SOX5: variants seen among roughly 807,000 people sequenced by gnomAD.
SOX5 encodes the protein transcription factor SOX-5.
Under a neutral mutation model 92.0 loss-of-function variants are expected in SOX5, and 9 were observed. The observed-to-expected ratio is 0.10, with a 90% confidence interval of 0.06 to 0.17. The LOEUF (loss-of-function observed/expected upper bound fraction) is 0.17. Among genes scored for constraint, SOX5 ranks in the 10% least tolerant of loss-of-function variants. The pLI is 1.00. For missense variants in SOX5, 642 were observed against 944.5 expected, an observed-to-expected ratio of 0.68 and a Z score of 4.20; for synonymous variants, 344 against 336.3, an observed-to-expected ratio of 1.02 and a Z score of -0.25.
chr12:23,956,264 T>C (rs12815045), intron 4 of SOX5, among the ~76,000 whole-genome samples: 54,737 of 144,900 alleles, frequency 0.38, 10,568 homozygotes, highest in Non-Finnish European at 0.47. Context: ...GGGAAGAAAT[T>C]ATGGCTAAGC....
intron 4 of SOX5, among the ~76,000 whole-genome samples, chr12:24,080,701 G>C (rs1943222400): frequency 6.6e-6 from 1 of 151,930 alleles, no homozygotes; most frequent in Non-Finnish European, 1.5e-5. Context: ...GCTGCATTCT[G>C]ATTGATCTGT....
chr12:23,622,414 T>C (rs1487340398), intron 8 of SOX5, among the ~76,000 whole-genome samples: 1 of 152,274 alleles, frequency 6.6e-6, no homozygotes, highest in South Asian at 2.1e-4. Context: ...ATATTTCTCT[T>C]TTTTATTTGG....
intron 1 of SOX5, among the ~76,000 whole-genome samples, chr12:24,558,372 G>A (rs1954015259): frequency 6.6e-6 from 1 of 152,064 alleles, no homozygotes; most frequent in Non-Finnish European, 1.5e-5. Flanking sequence ...AACCCCCCGC[G>A]AAATTCCGCT....
chr12:24,155,776 GAGAA>G (rs1407927718), intron 4 of SOX5, among the ~76,000 whole-genome samples: 1 of 152,156 alleles, frequency 6.6e-6, no homozygotes, highest in Non-Finnish European at 1.5e-5. Flanking sequence ...TGGGTATGGA[GAGAA>G]AGTACATGGT....
chr12:23,853,168 T>C (rs747325524), intron 2 of SOX5, among the ~76,000 whole-genome samples: 2 of 150,528 alleles, frequency 1.3e-5, no homozygotes, highest in African/African-American at 2.4e-5. Context: ...AGAATGACTT[T>C]GAATTTTTTA....
rs1321774144 is a variant in SOX5, at chr12:24,543,708, G to A, written c.-251+18621C>T. ...GGCTCAAAAAAGTTTTTAAAAATCAGTATGCAAATGCAAATAGTTATAAAG... is the reference window on the plus strand; with the variant it reads ...GGCTCAAAAAAGTTTTTAAAAATCAATATGCAAATGCAAATAGTTATAAAG... On this transcript the variant is annotated intron_variant, in intron 1 of 4. Coordinates refer to the SOX5 transcript ENST00000446891. Among the ~76,000 whole-genome samples the A allele has an allele frequency of 2.0e-5, 3 of 152,114 alleles. No individual in the cohort carries two copies. The East Asian group carries it at 5.8e-4, about 29-fold the overall frequency.
At chr12:23,755,314 G>C (rs1003830071) in intron 4 of SOX5, among the ~76,000 whole-genome samples, 2 of 151,588 alleles carry the variant, frequency 1.3e-5, no homozygotes, top group African/African-American at 2.4e-5. Context: ...TTTTAACCTT[G>C]CTATAGGTAC....
At chr12:24,497,712 G>A (rs1245748775) in intron 1 of SOX5, among the ~76,000 whole-genome samples, 2 of 151,982 alleles carry the variant, frequency 1.3e-5, no homozygotes, top group Admixed American at 6.6e-5. Flanking sequence ...CACACCCAAA[G>A]GAATATAAAT....
intron 9 of SOX5, among the ~76,000 whole-genome samples, chr12:23,592,859 A>G (rs1951764434): frequency 6.6e-6 from 1 of 152,034 alleles, no homozygotes; most frequent in African/African-American, 2.4e-5. Flanking sequence ...CGTGTGGATC[A>G]CCTGAGGTCA....
chr12:24,267,276 G>A, intron 3 of SOX5, among the ~76,000 whole-genome samples: 1 of 152,032 alleles, frequency 6.6e-6, no homozygotes, highest in East Asian at 1.9e-4. Flanking sequence ...TGTGAGGGGA[G>A]TTAAATTCCC....
At chr12:24,071,669 C>T (rs12298657) in intron 4 of SOX5, among the ~76,000 whole-genome samples, 27,548 of 152,028 alleles carry the variant, frequency 0.18, 2,849 homozygotes, top group Non-Finnish European at 0.23. Flanking sequence ...CTCCTGACCT[C>T]GTGATCCACC....
chr12:23,756,410 G>A (rs775343181), intron 3 of SOX5, among the ~76,000 whole-genome samples: 2 of 151,822 alleles, frequency 1.3e-5, no homozygotes, highest in Non-Finnish European at 2.9e-5. Context: ...TAGAAAGCAA[G>A]GTGCTGCTTT....
rs1391780 is a variant in SOX5, at chr12:23,987,600, C to T, written c.-1-91576G>A. On this transcript the variant is annotated intron_variant, in intron 4 of 4. Coordinates refer to the SOX5 transcript ENST00000446891. ...TTTAGTCTGGGAGTTCGAGAGCAGC[C>T]TGGGCAACATAGCAAAACCCCATCT... 5.6e-3 allele frequency among the ~76,000 whole-genome samples: 848 copies of T among 152,230 alleles called. 5 individuals carry two copies. The highest frequency in any genetic ancestry group is 0.012 in the Admixed American group (187 of 15,268).
At chr12:23,663,326 T>C (rs772256252) in intron 7 of SOX5, among the ~76,000 whole-genome samples, 2 of 152,134 alleles carry the variant, frequency 1.3e-5, no homozygotes, top group African/African-American at 2.4e-5. Flanking sequence ...TATTAAATGG[T>C]TAATATACTA....
At chr12:23,817,675 T>C (rs2096022790) in intron 3 of SOX5, among the ~76,000 whole-genome samples, 1 of 152,228 alleles carries the variant, frequency 6.6e-6, no homozygotes, top group Non-Finnish European at 1.5e-5. Flanking sequence ...TGTCTATCAA[T>C]ATGTAAATAT....
intron 8 of SOX5, among the ~76,000 whole-genome samples, chr12:23,633,305 T>C (rs2078791697): frequency 1.3e-5 from 2 of 152,066 alleles, no homozygotes; most frequent in South Asian, 2.1e-4. Context: ...AAAATGCAAA[T>C]TATAACGAAA....
At position 24,467,986 on chromosome 12, in the gene SOX5, G is replaced by A. The variant is rs148233198; in HGVS notation, c.-251+94343C>T. 8.9e-4 allele frequency among the ~76,000 whole-genome samples: 136 copies of A among 152,288 alleles called. 3 individuals carry two copies. In the East Asian group the frequency reaches 0.025, roughly 27 times the overall value. ...TATGCCAATATCCTTGGAGGACCAA[G>A]ATAACATAATTAGAATTTCAAGTGG... On this transcript the variant is annotated intron_variant, in intron 1 of 4. Coordinates refer to the SOX5 transcript ENST00000446891.
At chr12:23,702,105 C>T (rs957123858) in intron 6 of SOX5, among the ~76,000 whole-genome samples, 1 of 152,024 alleles carries the variant, frequency 6.6e-6, no homozygotes, top group African/African-American at 2.4e-5. Flanking sequence ...AGATTCATAT[C>T]TCTTATACGC....
chr12:24,253,270 CTTT>C (rs61584024), intron 3 of SOX5, among the ~76,000 whole-genome samples: 1 of 137,460 alleles, frequency 7.3e-6, no homozygotes. Context: ...ACGTGCACAT[CTTT>C]TTTTTTTTTT....
Sources: allele counts gnomAD v4.1 joint callset (sites outside exome capture counted in the v4.1 genomes callset), GRCh38; gene constraint gnomAD v4.1.1; transcripts MANE v1.5; gene names NCBI Gene and HGNC (gene_info 2026-07-23, HGNC 2026-07-21).